The following ADAMTS18 variants were observed in gnomAD, a reference collection of about 807,000 sequenced individuals.
The protein encoded by ADAMTS18 is A disintegrin and metalloproteinase with thrombospondin motifs 18.
A neutral mutation model predicts 165.9 loss-of-function variants in ADAMTS18; 157 were observed. That is an observed-to-expected ratio of 0.95 (90% CI 0.83 to 1.08). The LOEUF is 1.08. Ranked by LOEUF, ADAMTS18 falls within the 50% of genes least tolerant of loss-of-function variation. The pLI is 0.00. For synonymous variants in ADAMTS18, 782 were observed against 578.2 expected, an observed-to-expected ratio of 1.35 and a Z score of -5.06; for missense variants, 2,040 against 1,534.0, an observed-to-expected ratio of 1.33 and a Z score of -5.51.
Position 77,352,102 on chromosome 16 carries a change from C to A in ADAMTS18, c.1614+1631G>T, listed in dbSNP as rs115698907. Among the ~76,000 whole-genome samples, 379 of 152,132 alleles carry A rather than the reference C, an allele frequency of 2.5e-3. 3 individuals carry two copies. Among genetic ancestry groups the A allele is most frequent in the African/African-American group, 8.8e-3 (364 of 41,498 alleles). The stretch of plus-strand genomic sequence containing the variant: ...TAAGCTCCATGTGTCATGAAGGATA[C>A]ACCAAAAAAATGTGAATGACATCCG... On this transcript the variant is annotated intron_variant, in intron 10 of 22. Transcript: ENST00000282849.
At position 77,395,167 on chromosome 16, in the gene ADAMTS18, C is replaced by T. The variant is rs1022723009; in HGVS notation, c.496-27444G>A. 1.3e-5 allele frequency among the ~76,000 whole-genome samples: 2 copies of T among 152,154 alleles called. 1 individual carries two copies. The highest frequency in any genetic ancestry group is 4.1e-4 in the South Asian group (2 of 4,828). ...CTGGTGAAATTCACATTTGGGGAAA[C>T]TGGAAACTCTTCTTAGGTCTTTCTG... On this transcript the variant is annotated intron_variant, in intron 3 of 22. Coordinates refer to ENST00000282849, the MANE Select transcript of ADAMTS18 (RefSeq NM_199355.4).
chr16:77,369,232 CT>C (rs1567518961), intron 3 of ADAMTS18, among the ~76,000 whole-genome samples: 1 of 152,200 alleles, frequency 6.6e-6, no homozygotes, highest in Admixed American at 6.5e-5. Flanking sequence ...TTATTTTAAT[CT>C]TTTTTTCATA....
At chr16:77,301,524 G>A (rs12445962) in intron 16 of ADAMTS18, among the ~76,000 whole-genome samples, 19,282 of 152,166 alleles carry the variant, frequency 0.13, 1,245 homozygotes, top group Middle Eastern at 0.23. Flanking sequence ...CATGAATCTT[G>A]TGGAAAATTC....
rs1427280563 is a variant in ADAMTS18, at chr16:77,364,236, C to T, written c.924G>A (p.Lys308=). Residue 308 remains lysine, a synonymous_variant, in exon 5 of 23, where the codon AAG becomes AAA. Transcript: ENST00000282849. ...ATGTGGTGACATTTCCCTTGCCATGCTTTTCCACCATTTTCTTGTCTGCCA... is the reference window on the plus strand; with the variant it reads ...ATGTGGTGACATTTCCCTTGCCATGTTTTTCCACCATTTTCTTGTCTGCCA... ...LVVADKKMVE[K]HGKGNVTTYI... 6 of 1,614,024 alleles carry T rather than the reference C, an allele frequency of 3.7e-6. No individual in the cohort carries two copies. Among genetic ancestry groups the T allele is most frequent in the Non-Finnish European group, 5.1e-6 (6 of 1,180,020 alleles).
intron 10 of ADAMTS18, among the ~76,000 whole-genome samples, chr16:77,344,815 G>C (rs1012542557): frequency 1.3e-5 from 2 of 152,040 alleles, no homozygotes; most frequent in South Asian, 2.1e-4. Context: ...TTCTGCGGTG[G>C]AGTACAGAAG....
chr16:77,287,757 C>A (rs2055281501), intron 22 of ADAMTS18, among the ~76,000 whole-genome samples: 1 of 152,152 alleles, frequency 6.6e-6, no homozygotes, highest in Non-Finnish European at 1.5e-5. Context: ...CAGGTGTGAG[C>A]CACAGCACTC....
intron 11 of ADAMTS18, among the ~76,000 whole-genome samples, chr16:77,338,724 C>T (rs567123449): frequency 3.3e-5 from 5 of 151,926 alleles, no homozygotes; most frequent in South Asian, 2.1e-4. Context: ...GAGGCCAAGG[C>T]GGATGGATCA....
intron 3 of ADAMTS18, among the ~76,000 whole-genome samples, chr16:77,387,637 G>A (rs534343208): frequency 3.9e-5 from 6 of 152,276 alleles, no homozygotes; most frequent in African/African-American, 1.4e-4. Flanking sequence ...ATTACAAGCT[G>A]CGTATCAGTG....
chr16:77,361,961 A>G, intron 7 of ADAMTS18, 144 bp downstream of exon 7: 1 of 912,962 alleles, frequency 1.1e-6, no homozygotes, highest in South Asian at 1.5e-5. Context: ...AACAATAGTC[A>G]CCACAGGGTA....
At chr16:77,352,102 C>T (rs115698907) in intron 10 of ADAMTS18, among the ~76,000 whole-genome samples, 1 of 152,132 alleles carries the variant, frequency 6.6e-6, no homozygotes, top group East Asian at 1.9e-4. Context: ...ATGAAGGATA[C>T]ACCAAAAAAA....
intron 3 of ADAMTS18, among the ~76,000 whole-genome samples, chr16:77,431,015 A>G (rs1239011390): frequency 1.3e-5 from 2 of 152,256 alleles, no homozygotes; most frequent in Non-Finnish European, 2.9e-5. Context: ...AATGGCATCC[A>G]TCAAGTTAAT....
At position 77,321,120 on chromosome 16, in the gene ADAMTS18, T is replaced by G; in HGVS notation, c.2246A>C (p.Lys749Thr). 6.2e-7 allele frequency: 1 copy of G among 1,614,160 alleles called. No individual in the cohort carries two copies. Among genetic ancestry groups the G allele is most frequent in the Non-Finnish European group, 8.5e-7 (1 of 1,180,008 alleles). Residue 749 changes from lysine (K) to threonine (T), a missense_variant, in exon 15 of 23, where the codon AAG becomes ACG. Lys to Thr is a moderately conservative substitution (Grantham distance 78). Transcript: ENST00000282849. ...GTTGAGGTACAGGCCTTTATAAAAC[T>G]TGCAAGTTGAATTATCACCTTTGCA... ...GVCKGDNSTC[K>T]FYKGLYLNQH...
chr16:77,336,046 C>T (rs937429139), intron 11 of ADAMTS18, 142 bp from the exon 12 acceptor site: 18 of 1,018,162 alleles, frequency 1.8e-5, no homozygotes, highest in Non-Finnish European at 2.6e-5. Context: ...AATTCCTCTG[C>T]TGTGCTCTAA....
chr16:77,357,464 T>G (rs1048546097), intron 8 of ADAMTS18, among the ~76,000 whole-genome samples: 7 of 152,194 alleles, frequency 4.6e-5, no homozygotes, highest in African/African-American at 1.7e-4. Flanking sequence ...ACCAAGACGT[T>G]AAGGGGATTT....
intron 3 of ADAMTS18, among the ~76,000 whole-genome samples, chr16:77,400,646 T>TAATTTTTTG (rs920133240): frequency 6.6e-6 from 1 of 151,834 alleles, no homozygotes; most frequent in Non-Finnish European, 1.5e-5. Flanking sequence ...CGCACCCGGC[T>TAATTTTTTG]AATTTTTTGT....
chr16:77,411,989 G>GT (rs2057471020), intron 3 of ADAMTS18, among the ~76,000 whole-genome samples: 2 of 151,940 alleles, frequency 1.3e-5, no homozygotes, highest in Admixed American at 1.3e-4. Context: ...AGCCCAGCCA[G>GT]TGCCCAAAGA....
At chr16:77,326,083 T>G (rs2056091203) in intron 12 of ADAMTS18, 45 bp from the exon 13 acceptor site, 1 of 1,563,792 alleles carries the variant, frequency 6.4e-7, no homozygotes, top group African/African-American at 1.4e-5. Context: ...ATCAAAGGGC[T>G]CATTATTAGT....
chr16:77,336,937 G>C (rs1395242873), intron 11 of ADAMTS18, among the ~76,000 whole-genome samples: 1 of 152,174 alleles, frequency 6.6e-6, no homozygotes, highest in Non-Finnish European at 1.5e-5. Context: ...TTTTGCTGAG[G>C]AATTGGGGGA....
At chr16:77,333,492 C>CAAAA (rs61412792) in intron 12 of ADAMTS18, among the ~76,000 whole-genome samples, 1 of 141,340 alleles carries the variant, frequency 7.1e-6, no homozygotes, top group Admixed American at 7.1e-5. Context: ...AAAGAAATAC[C>CAAAA]AAAAAAAAAA....
Sources: allele counts gnomAD v4.1 joint callset (sites outside exome capture counted in the v4.1 genomes callset), GRCh38; gene constraint gnomAD v4.1.1; transcripts MANE v1.5; gene names NCBI Gene and HGNC (gene_info 2026-07-23, HGNC 2026-07-21).